The following PCDHA6 variants were observed in gnomAD, a reference collection of about 807,000 sequenced individuals.
PCDHA6 encodes the protein protocadherin alpha-6.
Under a neutral mutation model 60.3 loss-of-function variants are expected in PCDHA6, and 55 were observed. That is an observed-to-expected ratio of 0.91 (90% CI 0.73 to 1.14). PCDHA6 has a LOEUF of 1.14. Among genes scored for constraint, PCDHA6 ranks in the 50% most tolerant of loss-of-function variants. The pLI, the probability that PCDHA6 is intolerant of heterozygous loss-of-function variation, is 0.00. For synonymous variants in PCDHA6, 652 were observed against 557.9 expected (o/e 1.17, Z -2.38); for missense variants, 1,327 against 1,256.5 (o/e 1.06, Z -0.85).
At chr5:140,982,823 G>A (rs1187029355) in intron 3 of PCDHA6, among the ~76,000 whole-genome samples, 2 of 151,450 alleles carry the variant, frequency 1.3e-5, no homozygotes, top group South Asian at 2.1e-4. Context: ...GAAGTTTTTG[G>A]GGTTTGTTTG....
At position 140,829,905 on chromosome 5, in the gene PCDHA6, C is replaced by T; in HGVS notation, c.1814C>T (p.Ala605Val). ...RAVDADSGYN[A>V]WLSYELQPPA... is the part of the protein sequence containing the mutation. ...GTTGACGCCGACTCAGGCTACAACG[C>T]GTGGCTTTCGTATGAGCTGCAGCCC... The change falls in exon 1 of 4, where the codon GCG becomes GTG. Residue 605 changes from alanine to valine, a missense_variant. Physicochemically the swap from Ala to Val is moderately conservative, Grantham distance 64. Transcript: ENST00000529310. The T allele has an allele frequency of 6.2e-7, 1 of 1,613,982 alleles. No individual in the cohort carries two copies. Among genetic ancestry groups the T allele is most frequent in the East Asian group, 2.2e-5 (1 of 44,882 alleles).
At chr5:140,862,618 C>CCG in intron 1 of PCDHA6, 1 of 526,556 alleles carries the variant, frequency 1.9e-6, no homozygotes, top group Non-Finnish European at 3.9e-6. Context: ...AGGTAACAAC[C>CCG]CGCGGGGCTG....
In PCDHA6 at chr5:140,830,452, GA is replaced by G. The variant is rs2150186813; in HGVS notation, c.2363del (p.Asn788IlefsTer4). 6.3e-7 allele frequency: 1 copy of G among 1,597,194 alleles called. No individual in the cohort carries two copies. The highest frequency in any genetic ancestry group is 8.5e-7 in the Non-Finnish European group (1 of 1,170,088). ...PCPIMMGKAE[N>X]QDLNEDHDAK... ...GTCCTATTATGATGGGTAAGGCGGA[GA>G]ATCAGGATTTAAATGAAGATCATGA... On this transcript the variant is annotated frameshift_variant, in exon 1 of 4. Coordinates refer to ENST00000529310, the MANE Select transcript of PCDHA6 (RefSeq NM_018909.4). LOFTEE classifies it high-confidence loss of function.
rs199814121 is a variant in PCDHA6, at chr5:140,884,467, G to T, written c.2394+53982G>T. 3.9e-5 allele frequency: 63 copies of T among 1,613,778 alleles called. No individual in the cohort carries two copies. In the East Asian group the frequency reaches 1.3e-3, roughly 33 times the overall value. The stretch of plus-strand genomic sequence containing the variant: ...CACCGCCCACCGAGGGCGCGTGCGC[G>T]CCGGGCAAGCCCACTCTAGTGTGCT... On this transcript the variant is annotated intron_variant, in intron 1 of 3. Transcript: ENST00000529310.
chr5:140,929,440 CCTT>C, intron 1 of PCDHA6: 2 of 1,448,524 alleles, frequency 1.4e-6, no homozygotes, highest in Non-Finnish European at 1.8e-6. Flanking sequence ...ACTAAACACT[CCTT>C]CTTAGCACTT....
At chr5:140,856,497 G>GA (rs781946866) in intron 1 of PCDHA6, 1 of 1,598,346 alleles carries the variant, frequency 6.3e-7, no homozygotes, top group Admixed American at 1.7e-5. Flanking sequence ...CTTGACTCTC[G>GA]ATTTCCACTA....
chr5:140,852,028 T>A, intron 1 of PCDHA6: 1 of 943,108 alleles, frequency 1.1e-6, no homozygotes, highest in Non-Finnish European at 1.3e-6. Context: ...AAACTTCGCT[T>A]ATTGAGTTTT....
At chr5:140,836,665 G>A in intron 1 of PCDHA6, 2 of 1,613,382 alleles carry the variant, frequency 1.2e-6, no homozygotes, top group South Asian at 2.2e-5. Context: ...GTGTGCTCTG[G>A]GGAGGGCCCA....
intron 1 of PCDHA6, among the ~76,000 whole-genome samples, chr5:140,879,621 T>G (rs1050176793): frequency 5.9e-5 from 9 of 152,076 alleles, no homozygotes; most frequent in African/African-American, 2.2e-4. Context: ...GGTACTTAGG[T>G]GGGTAAGTGT....
In PCDHA6 at chr5:140,870,510, A is replaced by G. The variant is rs185967358; in HGVS notation, c.2394+40025A>G. On this transcript the variant is annotated intron_variant, in intron 1 of 3. Transcript: ENST00000529310. ...TGTTCGTGAAGGAGAACAACCCACCAGGCTGCCACATCTTCACAGTGTCGG... is the reference window on the plus strand; with the variant it reads ...TGTTCGTGAAGGAGAACAACCCACCGGGCTGCCACATCTTCACAGTGTCGG... 4.8e-3 allele frequency: 7,668 copies of G among 1,614,220 alleles called. 19 individuals carry two copies. The highest frequency in any genetic ancestry group is 5.8e-3 in the Non-Finnish European group (6,886 of 1,180,042).
At chr5:140,954,036 T>G (rs527853766) in intron 1 of PCDHA6, among the ~76,000 whole-genome samples, 170 of 152,342 alleles carry the variant, frequency 1.1e-3, no homozygotes, top group African/African-American at 3.9e-3. Context: ...GATGTGGTAT[T>G]TGGTTTTCTG....
At chr5:140,884,390 T>C in intron 1 of PCDHA6, 7 of 1,613,968 alleles carry the variant, frequency 4.3e-6, no homozygotes, top group Middle Eastern at 1.6e-4. Context: ...CTGCGCGGTG[T>C]CCAGCCTGTT....
intron 1 of PCDHA6, among the ~76,000 whole-genome samples, chr5:140,956,166 C>T (rs180917985): frequency 7.2e-5 from 11 of 152,232 alleles, no homozygotes; most frequent in Non-Finnish European, 1.5e-4. Flanking sequence ...TTGCCATAGC[C>T]AGAACTTCCA....
chr5:140,841,492 G>T, intron 1 of PCDHA6: 1 of 1,613,200 alleles, frequency 6.2e-7, no homozygotes. Flanking sequence ...TGGAGCTGGC[G>T]GAGCTGGTGC....
chr5:140,840,808 C>T (rs1554137908), intron 1 of PCDHA6, among the ~76,000 whole-genome samples: 1 of 151,970 alleles, frequency 6.6e-6, no homozygotes, highest in East Asian at 1.9e-4. Context: ...GTAATATATA[C>T]CAGTGTTTCT....
chr5:140,857,661 A>T, intron 1 of PCDHA6: 1 of 1,596,582 alleles, frequency 6.3e-7, no homozygotes, highest in Non-Finnish European at 8.6e-7. Context: ...AGCGCGCGCG[A>T]TGGGGGCGTG....
intron 1 of PCDHA6, among the ~76,000 whole-genome samples, chr5:140,855,007 T>C (rs1224641648): frequency 6.7e-6 from 1 of 149,970 alleles, no homozygotes; most frequent in Non-Finnish European, 1.5e-5. Context: ...TAAGATATTA[T>C]AAAATGAAAC....
At chr5:140,850,643 G>T in intron 1 of PCDHA6, 1 of 1,598,690 alleles carries the variant, frequency 6.3e-7, no homozygotes, top group Non-Finnish European at 8.6e-7. Flanking sequence ...TCACGCTGCT[G>T]CTGTACACTG....
At chr5:140,872,582 G>T (rs535860760) in intron 1 of PCDHA6, among the ~76,000 whole-genome samples, 2 of 152,202 alleles carry the variant, frequency 1.3e-5, no homozygotes, top group African/African-American at 4.8e-5. Context: ...ACCTATCATC[G>T]TGAGACCCCC....
Sources: gnomAD v4.1 joint callset for allele counts (sites outside exome capture counted in the v4.1 genomes callset) on GRCh38, gnomAD v4.1.1 for gene constraint, MANE v1.5 for transcripts, NCBI Gene and HGNC (gene_info 2026-07-23, HGNC 2026-07-21) for gene names.